The following RAD9A variants were observed in gnomAD, a reference collection of about 807,000 sequenced individuals.
The protein encoded by RAD9A is cell cycle checkpoint control protein RAD9A.
Under a neutral mutation model 41.2 loss-of-function variants are expected in RAD9A, and 25 were observed. That is an observed-to-expected ratio of 0.61 (90% CI 0.44 to 0.85). The LOEUF (loss-of-function observed/expected upper bound fraction) is 0.85, where lower values mean the gene tolerates loss of function less well. RAD9A is among the 40% of genes least tolerant of loss of function. The pLI is 0.00. For missense variants in RAD9A, 514 were observed against 518.3 expected (o/e 0.99, Z 0.08); for synonymous variants, 252 against 210.6 (o/e 1.20, Z -1.70).
At position 67,397,752 on chromosome 11, in the gene RAD9A, C is replaced by A; in HGVS notation, c.*193C>A. 1 of 589,634 alleles carries A rather than the reference C, an allele frequency of 1.7e-6. No homozygotes were observed. Among genetic ancestry groups the A allele is most frequent in the South Asian group, 2.1e-5 (1 of 47,970 alleles). 36.5% of individuals were successfully genotyped at this position (589,634 alleles called of 1,614,324 possible). A position where few individuals can be genotyped will look rare whatever the true frequency, so the allele number is the denominator to read the frequency against. On this transcript the variant is annotated 3_prime_UTR_variant, in exon 11 of 11. Coordinates refer to ENST00000307980, the MANE Select transcript of RAD9A (RefSeq NM_004584.3). The stretch of plus-strand genomic sequence containing the variant: ...ACAGCGGTCGGGCCTGGGCCGTTAT[C>A]TCCCCACAACCCCCAGCCAATCAGG...
At position 67,397,325 on chromosome 11, in the gene RAD9A, ACTCCGAGGAGG is replaced by A; in HGVS notation, c.1020_1030del (p.His340GlnfsTer3). The A allele has an allele frequency of 7.4e-7, 1 of 1,356,810 alleles. No individual in the cohort carries two copies. The highest frequency in any genetic ancestry group is 2.6e-5 in the African/African-American group (1 of 38,454). 84.0% of individuals were successfully genotyped at this position (1,356,810 alleles called of 1,614,324 possible). ...CAGCCCCCCAAGAGCCCCGGTCCCC[ACTCCGAGGAGG>A]AAGATGAGGCTGAGCCCAGTACAGT... On this transcript the variant is annotated frameshift_variant, in exon 10 of 11. Coordinates refer to ENST00000307980, the MANE Select transcript of RAD9A (RefSeq NM_004584.3). LOFTEE classifies it high-confidence loss of function.
Position 67,393,180 on chromosome 11 carries a change from T to A in RAD9A, c.235-316T>A, listed in dbSNP as rs1054373505. 5 of 660,152 alleles carry A rather than the reference T, an allele frequency of 7.6e-6. No individual in the cohort carries two copies. The African/African-American group carries it at 9.6e-5, about 13-fold the overall frequency. 40.9% of individuals were successfully genotyped at this position (660,152 alleles called of 1,614,324 possible). ...CTGTAATCCCAGCTACTCGGGAGGC[T>A]GAGGCAGGAGAATTGCTTGAATCCG... On this transcript the variant is annotated intron_variant, in intron 3 of 10. Transcript: ENST00000307980.
At chr11:67,396,082 G>T in intron 7 of RAD9A, 29 bp from the exon 8 acceptor site, 1 of 1,613,216 alleles carries the variant, frequency 6.2e-7, no homozygotes, top group Non-Finnish European at 8.5e-7. Context: ...CCCAGCCCGG[G>T]GCCTCACCTG....
At position 67,391,986 on chromosome 11, in the gene RAD9A, G is replaced by C. The variant is rs913078413; in HGVS notation, c.-59G>C. ...GGGGCGGTGCGCGGGAAGGGACCCC[G>C]GACCCGGAGGTCGCGGAGAGCTGGG... On this transcript the variant is annotated 5_prime_UTR_variant, in exon 1 of 11. Coordinates refer to ENST00000307980, the MANE Select transcript of RAD9A (RefSeq NM_004584.3). 1 of 1,525,952 alleles carries C rather than the reference G, an allele frequency of 6.6e-7. No individual in the cohort carries two copies. The highest frequency in any genetic ancestry group is 8.8e-7 in the Non-Finnish European group (1 of 1,138,960). 94.5% of individuals were successfully genotyped at this position (1,525,952 alleles called of 1,614,324 possible).
At chr11:67,392,868 C>A (rs1318598405) in intron 3 of RAD9A, 86 bp downstream of exon 3, 37 of 1,520,282 alleles carry the variant, frequency 2.4e-5, no homozygotes, top group African/African-American at 1.4e-5. Context: ...TCAGTAGATG[C>A]TAAGTGGGGA....
chr11:67,392,568 G>T, intron 2 of RAD9A, 86 bp from the exon 3 acceptor site: 2 of 1,545,308 alleles, frequency 1.3e-6, no homozygotes, highest in Non-Finnish European at 1.8e-6. Context: ...AGGACGATAG[G>T]GCAAGTGTGT....
At chr11:67,392,543 T>C (rs1169332889) in intron 2 of RAD9A, 111 bp from the exon 3 acceptor site, 2 of 1,432,022 alleles carry the variant, frequency 1.4e-6, no homozygotes, top group Non-Finnish European at 1.9e-6. Context: ...TTTCAGCAGG[T>C]GGTGGCGGAG....
At position 67,397,640 on chromosome 11, in the gene RAD9A, T is replaced by C; in HGVS notation, c.*81T>C. The C allele has an allele frequency of 7.7e-7, 1 of 1,290,434 alleles. No homozygotes were observed. The highest frequency in any genetic ancestry group is 2.4e-5 in the East Asian group (1 of 41,086). 79.9% of individuals were successfully genotyped at this position (1,290,434 alleles called of 1,614,324 possible). On this transcript the variant is annotated 3_prime_UTR_variant, in exon 11 of 11. Transcript: ENST00000307980. ...GTGGCAGAACTGGGTCTCTCAGCCC[T>C]GGGGATCAGAAAGGTGGGCTTGCTG...
chr11:67,392,671 G>T lies in RAD9A; in HGVS notation c.123G>T (p.Val41=). Residue 41 remains valine (V), a synonymous_variant, in exon 3 of 11, where the codon GTG becomes GTT. Transcript: ENST00000307980. ...TGGCCCAGCTCTCCCTCCGGACGGT[G>T]AACTCCTCCCGCTCTGCCTATGCCT... ...PLEDGLSLRT[V]NSSRSAYACF... 5.0e-6 allele frequency: 8 copies of T among 1,613,852 alleles called. No individual in the cohort carries two copies. Among genetic ancestry groups the T allele is most frequent in the Non-Finnish European group, 6.8e-6 (8 of 1,179,992 alleles).
chr11:67,392,262 G>GGGC, intron 2 of RAD9A, 31 bp downstream of exon 2: 12 of 600,776 alleles, frequency 2.0e-5, no homozygotes, highest in East Asian at 4.3e-5. Context: ...GGGCGGGTGG[G>GGGC]ACTCCAGCCG....
Position 67,392,173 on chromosome 11 carries a change from C to T in RAD9A, c.47C>T (p.Ala16Val). 1 of 1,612,334 alleles carries T rather than the reference C, an allele frequency of 6.2e-7. No homozygotes were observed. Residue 16 changes from alanine (A) to valine (V), a missense_variant, in exon 2 of 11, where the codon GCC (alanine) becomes GTC (valine). By Grantham distance (64) the Ala-to-Val change is moderately conservative (BLOSUM62 0). Around this residue, in one of 3 missense-constraint regions of RAD9A, gnomAD observed 268 missense variants for 279.3 expected, o/e 0.96. Coordinates refer to ENST00000307980, the MANE Select transcript of RAD9A (RefSeq NM_004584.3). ...TGGNVKVLGK[A>V]VHSLSRIGDE... ...CTTCTCCCCGCAGTGCTCGGCAAGG[C>T]CGTCCACTCCCTGTCCCGCATCGGG...
chr11:67,397,755 CCCA>C lies in RAD9A; in HGVS notation c.*198_*200del. On this transcript the variant is annotated 3_prime_UTR_variant, in exon 11 of 11. Coordinates refer to ENST00000307980, the MANE Select transcript of RAD9A (RefSeq NM_004584.3). ...GCGGTCGGGCCTGGGCCGTTATCTCCCCACAACCCCCAGCCAATCAGGACTTTC... is the reference window on the plus strand; with the variant it reads ...GCGGTCGGGCCTGGGCCGTTATCTCCCAACCCCCAGCCAATCAGGACTTTC... 1.7e-6 allele frequency: 1 copy of C among 587,538 alleles called. No homozygotes were observed. The highest frequency in any genetic ancestry group is 3.0e-6 in the Non-Finnish European group (1 of 332,672). The allele number at this position is 587,538 out of a possible 1,614,324, so 36.4% of individuals were successfully genotyped here.
intron 5 of RAD9A, chr11:67,395,425 G>C (rs1862653228): frequency 4.4e-6 from 2 of 453,902 alleles, no homozygotes; most frequent in Non-Finnish European, 7.8e-6. Context: ...GGTATCCTTA[G>C]AGGATAAGGA....
chr11:67,392,239 GCTAGGGTGT>G lies in RAD9A; in HGVS notation c.105+9_105+17del. 6.6e-6 allele frequency: 9 copies of G among 1,361,904 alleles called. No individual in the cohort carries two copies. Among genetic ancestry groups the G allele is most frequent in the African/African-American group, 1.4e-5 (1 of 69,380 alleles). 84.4% of individuals were successfully genotyped at this position (1,361,904 alleles called of 1,614,324 possible). A position where few individuals can be genotyped will look rare whatever the true frequency, so the allele number is the denominator to read the frequency against. On this transcript the variant is annotated intron_variant, in intron 2 of 10. Coordinates refer to ENST00000307980, the MANE Select transcript of RAD9A (RefSeq NM_004584.3). ...GAACCCTTGGAGGACGGGGTGAGGG[GCTAGGGTGT>G]GGGGGGCGGGTGGGACTCCAGCCGG...
intron 5 of RAD9A, among the ~76,000 whole-genome samples, chr11:67,394,532 T>C (rs1862623518): frequency 6.6e-6 from 1 of 152,206 alleles, no homozygotes; most frequent in African/African-American, 2.4e-5. Flanking sequence ...TGACATCTGT[T>C]TCCCCAGGTT....
chr11:67,392,326 G>A, intron 2 of RAD9A, 95 bp downstream of exon 2: 1 of 1,154,982 alleles, frequency 8.7e-7, no homozygotes, highest in Non-Finnish European at 1.2e-6. Context: ...ATGACCGCTG[G>A]CAGATTTGTC....
chr11:67,394,518 G>C (rs991472081), intron 5 of RAD9A, among the ~76,000 whole-genome samples: 6 of 152,170 alleles, frequency 3.9e-5, no homozygotes, highest in Non-Finnish European at 8.8e-5. Flanking sequence ...ATCCCTTTGG[G>C]TCCTGACATC....
In RAD9A at chr11:67,392,248, T is replaced by TGGGGGTGGGGGG; in HGVS notation, c.105+22_105+23insTGGGGGGGGGGG. The TGGGGGTGGGGGG allele has an allele frequency of 3.1e-6, 1 of 321,860 alleles. No individual in the cohort carries two copies. The highest frequency in any genetic ancestry group is 7.0e-5 in the East Asian group (1 of 14,224). 19.9% of individuals were successfully genotyped at this position (321,860 alleles called of 1,614,324 possible). A position where few individuals can be genotyped will look rare whatever the true frequency, so the allele number is the denominator to read the frequency against. Reference sequence around the variant, plus strand: ...GAGGACGGGGTGAGGGGCTAGGGTGTGGGGGGCGGGTGGGACTCCAGCCGG... The same window carrying TGGGGGTGGGGGG: ...GAGGACGGGGTGAGGGGCTAGGGTGTGGGGGTGGGGGGGGGGGGCGGGTGGGACTCCAGCCGG... On this transcript the variant is annotated intron_variant, in intron 2 of 10. Coordinates refer to ENST00000307980, the MANE Select transcript of RAD9A (RefSeq NM_004584.3).
At position 67,396,417 on chromosome 11, in the gene RAD9A, C is replaced by A. The variant is rs369995198; in HGVS notation, c.872+17C>A. 4.8e-5 allele frequency: 78 copies of A among 1,612,712 alleles called. No individual in the cohort carries two copies. The African/African-American group carries it at 7.1e-4, about 15-fold the overall frequency. ...GGCTCACAGGTGAGGGCACCTCCCCCCAACTCCTCCTCTCTCCATGTCTGT... is the reference window on the plus strand; with the variant it reads ...GGCTCACAGGTGAGGGCACCTCCCCACAACTCCTCCTCTCTCCATGTCTGT... On this transcript the variant is annotated intron_variant, in intron 9 of 10. Transcript: ENST00000307980.
Sources: allele counts gnomAD v4.1 joint callset (sites outside exome capture counted in the v4.1 genomes callset), GRCh38; gene constraint gnomAD v4.1.1; regional missense constraint gnomAD v4.1.1; transcripts MANE v1.5; gene names NCBI Gene and HGNC (gene_info 2026-07-23, HGNC 2026-07-21).